SLC8A1: variants seen among roughly 807,000 people sequenced by gnomAD.
SLC8A1 encodes solute carrier family 8 member A1.
A neutral mutation model predicts 68.3 loss-of-function variants in SLC8A1; 18 were observed. The observed-to-expected ratio is 0.26, with a 90% CI of 0.18 to 0.39. The LOEUF is 0.39. Among genes scored for constraint, SLC8A1 ranks in the 10% least tolerant of loss-of-function variants. The pLI, the probability that SLC8A1 is intolerant of heterozygous loss-of-function variation, is 1.00. For synonymous variants in SLC8A1, 475 were observed against 415.5 expected (o/e 1.14, Z -1.74); for missense variants, 985 against 1,156.7 (o/e 0.85, Z 2.15).
intron 2 of SLC8A1, among the ~76,000 whole-genome samples, chr2:40,246,022 C>A (rs367561464): frequency 3.3e-5 from 5 of 152,316 alleles, no homozygotes; most frequent in East Asian, 3.9e-4. Flanking sequence ...TGCCATATGA[C>A]CTGTCTTAGA....
At chr2:40,334,033 G>C (rs1037944937) in intron 2 of SLC8A1, among the ~76,000 whole-genome samples, 1 of 152,110 alleles carries the variant, frequency 6.6e-6, no homozygotes. Context: ...GGCAACAAGA[G>C]AGAAACTCCA....
At chr2:40,344,847 A>G (rs896222248) in intron 2 of SLC8A1, among the ~76,000 whole-genome samples, 6 of 152,304 alleles carry the variant, frequency 3.9e-5, no homozygotes, top group African/African-American at 1.2e-4. Context: ...CTCAAAACTG[A>G]ACATTCAGCA....
chr2:40,148,355 A>T (rs1378861956), intron 6 of SLC8A1, among the ~76,000 whole-genome samples: 3 of 152,168 alleles, frequency 2.0e-5, no homozygotes, highest in Admixed American at 6.5e-5. Flanking sequence ...CAGCAAATGG[A>T]AAGGACGCTG....
At chr2:40,348,845 A>G (rs1406605923) in intron 2 of SLC8A1, among the ~76,000 whole-genome samples, 1 of 152,174 alleles carries the variant, frequency 6.6e-6, no homozygotes, top group African/African-American at 2.4e-5. Flanking sequence ...CATGCATCAC[A>G]GTCCTCTTAT....
At chr2:40,284,726 T>C (rs1351595299) in intron 2 of SLC8A1, among the ~76,000 whole-genome samples, 2 of 151,570 alleles carry the variant, frequency 1.3e-5, no homozygotes, top group African/African-American at 2.4e-5. Context: ...AATTCCTAAG[T>C]GTAGTCTGCC....
intron 2 of SLC8A1, among the ~76,000 whole-genome samples, chr2:40,217,875 T>G (rs1012438287): frequency 2.0e-5 from 3 of 152,224 alleles, no homozygotes; most frequent in Non-Finnish European, 2.9e-5. Context: ...TGAAAAATAT[T>G]GTTAAGTAAC....
chr2:40,139,158 G>T (rs2041088594), intron 7 of SLC8A1, among the ~76,000 whole-genome samples: 1 of 152,108 alleles, frequency 6.6e-6, no homozygotes, highest in Non-Finnish European at 1.5e-5. Flanking sequence ...TCTCTTACAG[G>T]CCGTGGAGAC....
chr2:40,322,838 ACACACACACACACCACACACACCC>A (rs1258627359), intron 2 of SLC8A1, among the ~76,000 whole-genome samples: 1 of 151,774 alleles, frequency 6.6e-6, no homozygotes, highest in African/African-American at 2.4e-5. Flanking sequence ...ACACACACAC[ACACACACACACACCACACACACCC>A]CACACACAGA....
chr2:40,406,532 G>C (rs1469589366), intron 2 of SLC8A1, among the ~76,000 whole-genome samples: 1 of 152,158 alleles, frequency 6.6e-6, no homozygotes, highest in Non-Finnish European at 1.5e-5. Context: ...GTGAGGGTAG[G>C]AAAATGGGCC....
At chr2:40,467,931 A>G (rs1703788380) in intron 1 of SLC8A1, among the ~76,000 whole-genome samples, 1 of 152,202 alleles carries the variant, frequency 6.6e-6, no homozygotes, top group Non-Finnish European at 1.5e-5. Flanking sequence ...TGTATTCACT[A>G]TTAAATATGG....
intron 2 of SLC8A1, among the ~76,000 whole-genome samples, chr2:40,236,703 C>G (rs1574487872): frequency 1.3e-5 from 2 of 152,264 alleles, no homozygotes; most frequent in African/African-American, 4.8e-5. Flanking sequence ...TCTCAATGGT[C>G]TTTACAATTT....
intron 2 of SLC8A1, chr2:40,250,415 T>C: frequency 6.6e-6 from 1 of 152,258 alleles, no homozygotes; most frequent in Middle Eastern, 3.4e-3. Flanking sequence ...ATTCCAATAT[T>C]ATTAAAATTA....
At chr2:40,270,582 C>G (rs2065906117) in intron 2 of SLC8A1, among the ~76,000 whole-genome samples, 1 of 152,212 alleles carries the variant, frequency 6.6e-6, no homozygotes, top group Non-Finnish European at 1.5e-5. Context: ...GCATTTCCCT[C>G]TGACTCTACC....
intron 1 of SLC8A1, among the ~76,000 whole-genome samples, chr2:40,490,668 C>A (rs552672393): frequency 1.3e-5 from 2 of 152,144 alleles, no homozygotes; most frequent in South Asian, 2.1e-4. Context: ...TCACAACTAT[C>A]TATTTGGATA....
chr2:40,447,427 C>CTGG (rs1434146445), intron 1 of SLC8A1, among the ~76,000 whole-genome samples: 1 of 152,068 alleles, frequency 6.6e-6, no homozygotes, highest in Non-Finnish European at 1.5e-5. Context: ...AGCCCCATTC[C>CTGG]TGGGCACTCA....
At chr2:40,455,512 C>T (rs1412706724), upstream of SLC8A1, among the ~76,000 whole-genome samples, 2 of 152,276 alleles carry the variant, frequency 1.3e-5, no homozygotes, top group South Asian at 2.1e-4. Context: ...TGTTCAGTCA[C>T]AGGCTCAGTT....
At chr2:40,175,938 T>C in intron 3 of SLC8A1, 1 of 434,078 alleles carries the variant, frequency 2.3e-6, no homozygotes, top group Non-Finnish European at 4.6e-6. Flanking sequence ...AACACCTACT[T>C]GTGTCCTTAT....
At chr2:40,284,319 T>A (rs1351370312) in intron 2 of SLC8A1, among the ~76,000 whole-genome samples, 1 of 147,536 alleles carries the variant, frequency 6.8e-6, no homozygotes, top group African/African-American at 2.5e-5. Flanking sequence ...TTATAGATAT[T>A]GACATATATA....
chr2:40,228,327 TCTTATA>T (rs1239295214), intron 2 of SLC8A1, among the ~76,000 whole-genome samples: 1 of 152,244 alleles, frequency 6.6e-6, no homozygotes. Context: ...ATGTAAGAAT[TCTTATA>T]CTTAAAGCAG....
Sources: allele counts gnomAD v4.1 joint callset (sites outside exome capture counted in the v4.1 genomes callset), GRCh38; gene constraint gnomAD v4.1.1; transcripts MANE v1.5; gene names NCBI Gene and HGNC (gene_info 2026-07-23, HGNC 2026-07-21).